FOXK2: variants seen among roughly 807,000 people sequenced by gnomAD.
FOXK2 encodes the protein forkhead box K2.
FOXK2 carries 24 observed loss-of-function variants against 53.3 expected under a neutral mutation model. The observed-to-expected ratio is 0.45, with a 90% confidence interval of 0.33 to 0.63. FOXK2 has a LOEUF of 0.63. Among genes scored for constraint, FOXK2 ranks in the 30% least tolerant of loss-of-function variants. The probability of loss-of-function intolerance (pLI) is 0.03; values close to 1 mark genes in which losing one functional copy is unlikely to be tolerated. For synonymous variants in FOXK2, 505 were observed against 407.1 expected (o/e 1.24, Z -2.89); for missense variants, 952 against 910.5 (o/e 1.05, Z -0.59).
At position 82,520,146 on chromosome 17, in the gene FOXK2, G is replaced by T; in HGVS notation, c.258G>T (p.Pro86=). 1 of 1,521,974 alleles carries T rather than the reference G, an allele frequency of 6.6e-7. No individual in the cohort carries two copies. Among genetic ancestry groups the T allele is most frequent in the Non-Finnish European group, 8.8e-7 (1 of 1,134,542 alleles). The allele number at this position is 1,521,974 out of a possible 1,614,324, so 94.3% of individuals were successfully genotyped here. Residue 86 remains proline (P), a synonymous_variant, in exon 1 of 9, where the codon CCG becomes CCT. Coordinates refer to ENST00000335255, the MANE Select transcript of FOXK2 (RefSeq NM_004514.4). ...SRRHLEIFTP[P]GGGGHGGAAP... ...GCCACCTCGAGATCTTCACGCCCCC[G>T]GGCGGCGGCGGCCATGGCGGGGCCG... is the stretch of plus-strand genomic sequence containing the variant.
intron 1 of FOXK2, among the ~76,000 whole-genome samples, chr17:82,562,614 A>C: frequency 6.6e-6 from 1 of 152,114 alleles, no homozygotes; most frequent in East Asian, 1.9e-4. Context: ...ATTTTTCTTA[A>C]ATAAGAAAAC....
chr17:82,561,931 C>T (rs1451077923), intron 1 of FOXK2, among the ~76,000 whole-genome samples: 2 of 151,238 alleles, frequency 1.3e-5, no homozygotes, highest in Non-Finnish European at 2.9e-5. Flanking sequence ...CCGCACTGGG[C>T]GCACAGATGT....
intron 5 of FOXK2, among the ~76,000 whole-genome samples, chr17:82,583,713 C>T (rs894158071): frequency 4.3e-4 from 65 of 152,270 alleles, no homozygotes; most frequent in African/African-American, 1.4e-3. Flanking sequence ...TGCTCGCTGC[C>T]GGCTCCACCG....
chr17:82,540,148 G>A (rs2044560482), intron 1 of FOXK2, among the ~76,000 whole-genome samples: 1 of 152,092 alleles, frequency 6.6e-6, no homozygotes, highest in South Asian at 2.1e-4. Context: ...GAGTGTGATG[G>A]CGGATGCCTG....
In FOXK2 at chr17:82,569,297, A is replaced by G. The variant is rs146956314; in HGVS notation, c.762+1096A>G. ...TGCGGCCGACTACGGCGTCTAACAC[A>G]GGGTGCTAGGCAAGGAGGGCGCGTC... On this transcript the variant is annotated intron_variant, in intron 3 of 8. Transcript: ENST00000335255. 2.5e-3 allele frequency among the ~76,000 whole-genome samples: 374 copies of G among 152,334 alleles called. 1 individual carries two copies. The highest frequency in any genetic ancestry group is 8.4e-3 in the African/African-American group (348 of 41,578).
At position 82,585,950 on chromosome 17, in the gene FOXK2, G is replaced by C. The variant is rs771026551; in HGVS notation, c.1326G>C (p.Gln442His). 6.2e-7 allele frequency: 1 copy of C among 1,612,730 alleles called. No homozygotes were observed. The highest frequency in any genetic ancestry group is 8.5e-7 in the Non-Finnish European group (1 of 1,179,898). The change falls in exon 7 of 9, where the codon CAG becomes CAC. Residue 442 changes from glutamine (Q) to histidine (H), a missense_variant. Transcript: ENST00000335255. The stretch of plus-strand genomic sequence containing the variant: ...CAGTCTTAATCACCGTCCAGCGGCA[G>C]CTACCACAGGCCATCAAGCCTGTCA... ...SQPVLITVQR[Q>H]LPQAIKPVTY...
chr17:82,597,682 C>G (rs1350206210), intron 8 of FOXK2, among the ~76,000 whole-genome samples: 1 of 151,874 alleles, frequency 6.6e-6, no homozygotes, highest in East Asian at 1.9e-4. Flanking sequence ...CAGAGTTTTG[C>G]TTTTGTTGCC....
At chr17:82,545,325 T>A (rs1567969172) in intron 1 of FOXK2, among the ~76,000 whole-genome samples, 2 of 152,196 alleles carry the variant, frequency 1.3e-5, no homozygotes, top group Non-Finnish European at 2.9e-5. Context: ...CTTTTGAACT[T>A]CATATCCATG....
chr17:82,563,226 G>A (rs1225716034), intron 1 of FOXK2, 128 bp from the exon 2 acceptor site: 4 of 834,038 alleles, frequency 4.8e-6, no homozygotes, highest in Admixed American at 3.1e-5. Context: ...ATAATAACAC[G>A]GTGAGCTGAG....
At chr17:82,595,470 A>T (rs765203581) in intron 8 of FOXK2, among the ~76,000 whole-genome samples, 36 of 151,734 alleles carry the variant, frequency 2.4e-4, no homozygotes, top group Non-Finnish European at 5.0e-4. Flanking sequence ...TCCAGCTAAT[A>T]TTTTTTTTCT....
rs149396634 is a variant in FOXK2, at chr17:82,586,849, T to C, written c.1577-214T>C. On this transcript the variant is annotated intron_variant, in intron 7 of 8. Coordinates refer to ENST00000335255, the MANE Select transcript of FOXK2 (RefSeq NM_004514.4). ...CCGGAAGGTGGAGGTTGCAGTGAGC[T>C]GAGATTGCGCCATTGGACTCCAGCT... Among the ~76,000 whole-genome samples, 932 of 152,124 alleles carry C rather than the reference T, an allele frequency of 6.1e-3. 6 individuals are homozygous for C. The highest frequency in any genetic ancestry group is 0.021 in the African/African-American group (884 of 41,478).
chr17:82,552,507 G>C (rs114316872), intron 1 of FOXK2, among the ~76,000 whole-genome samples: 2,271 of 151,218 alleles, frequency 0.015, 61 homozygotes, highest in African/African-American at 0.053. Flanking sequence ...CCCTCCTGTC[G>C]CTTTAATCCT....
chr17:82,561,347 G>C (rs1046348062), intron 1 of FOXK2, among the ~76,000 whole-genome samples: 2 of 152,118 alleles, frequency 1.3e-5, no homozygotes, highest in Non-Finnish European at 1.5e-5. Flanking sequence ...TGGAAGTGGG[G>C]ATTTTGGAGC....
chr17:82,532,434 G>T (rs2044480873), intron 1 of FOXK2, among the ~76,000 whole-genome samples: 1 of 152,040 alleles, frequency 6.6e-6, no homozygotes, highest in Non-Finnish European at 1.5e-5. Context: ...GTGAGCCACT[G>T]CGCCTGGCCT....
intron 4 of FOXK2, chr17:82,576,923 G>A: frequency 2.4e-6 from 1 of 408,232 alleles, no homozygotes; most frequent in Non-Finnish European, 4.5e-6. Context: ...ACTTTGGGAG[G>A]CTGTGGCCGG....
intron 4 of FOXK2, among the ~76,000 whole-genome samples, chr17:82,582,193 C>CA (rs983117365): frequency 5.9e-5 from 9 of 152,196 alleles, no homozygotes; most frequent in Non-Finnish European, 1.0e-4. Context: ...GCAGCTAAGT[C>CA]ATTGCCTCCA....
intron 1 of FOXK2, among the ~76,000 whole-genome samples, chr17:82,539,276 G>A (rs1452688758): frequency 6.9e-6 from 1 of 144,674 alleles, no homozygotes; most frequent in Non-Finnish European, 1.5e-5. Context: ...CTGTAAGGTG[G>A]CCGGGCGTGG....
chr17:82,521,611 T>A (rs1003247979), intron 1 of FOXK2, among the ~76,000 whole-genome samples: 1 of 151,680 alleles, frequency 6.6e-6, no homozygotes, highest in Admixed American at 6.6e-5. Flanking sequence ...GCATATTCCT[T>A]AAACTTTGGT....
rs145015793 is a variant in FOXK2 at position 82,547,898 on chromosome 17, C to T, written c.420-15456C>T. On this transcript the variant is annotated intron_variant, in intron 1 of 8. Coordinates refer to ENST00000335255, the MANE Select transcript of FOXK2 (RefSeq NM_004514.4). ...ATGTAGAATATACTGGTGTTTGGCT[C>T]GCTCTTATTCACATGGTATATTTGA... 6.6e-5 allele frequency among the ~76,000 whole-genome samples: 10 copies of T among 152,280 alleles called. No individual in the cohort carries two copies. In the East Asian group the frequency reaches 1.5e-3, roughly 23 times the overall value.
Sources: gnomAD v4.1 joint callset for allele counts (sites outside exome capture counted in the v4.1 genomes callset) on GRCh38, gnomAD v4.1.1 for gene constraint, MANE v1.5 for transcripts, NCBI Gene and HGNC (gene_info 2026-07-23, HGNC 2026-07-21) for gene names.